The following STC1 variants were observed in gnomAD, a reference collection of about 807,000 sequenced individuals.
The protein encoded by STC1 is stanniocalcin-1.
Under a neutral mutation model 22.6 loss-of-function variants are expected in STC1, and 7 were observed. The observed-to-expected ratio is 0.31, with a 90% CI of 0.18 to 0.58. STC1 has a LOEUF of 0.58. Among genes scored for constraint, STC1 ranks in the 20% least tolerant of loss-of-function variants. The probability of loss-of-function intolerance (pLI) is 0.89; values close to 1 mark genes in which losing one functional copy is unlikely to be tolerated. For synonymous variants in STC1, 113 were observed against 120.7 expected (o/e 0.94, Z 0.42); for missense variants, 224 against 311.0 (o/e 0.72, Z 2.10).
rs766788727 is a variant in STC1 at position 23,854,774 on chromosome 8, C to T, written c.-251G>A. 8 of 595,748 alleles carry T rather than the reference C, an allele frequency of 1.3e-5. No homozygotes were observed. The highest frequency in any genetic ancestry group is 3.4e-5 in the East Asian group (1 of 29,368). The allele number at this position is 595,748 out of a possible 1,614,324, so 36.9% of individuals were successfully genotyped here. ...CCGCTGCTGCTGCTGCTGCTGCAGT[C>T]GCTGCTTCTTGCACCTCTGGCTTTT... On this transcript the variant is annotated 5_prime_UTR_variant, in exon 1 of 4. Transcript: ENST00000290271.
chr8:23,850,152 C>T (rs1215234738), intron 3 of STC1, among the ~76,000 whole-genome samples: 1 of 152,186 alleles, frequency 6.6e-6, no homozygotes, highest in Non-Finnish European at 1.5e-5. Flanking sequence ...GCACCTTAGC[C>T]TTTCCCTAAG....
chr8:23,852,711 A>G (rs1270912514), intron 1 of STC1, among the ~76,000 whole-genome samples: 1 of 152,218 alleles, frequency 6.6e-6, no homozygotes, highest in Non-Finnish European at 1.5e-5. Flanking sequence ...AAGCCATTCC[A>G]TAGAATCAAA....
At position 23,851,536 on chromosome 8, in the gene STC1, C is replaced by A. The variant is rs758658541; in HGVS notation, c.262-5G>T. ...CTCTTTGACGAATGCTTTTCCCTGC[C>A]ATGGAGGAAGGACAAGAGGGAGGTC... On this transcript the variant is annotated splice_polypyrimidine_tract_variant and splice_region_variant and intron_variant, in intron 2 of 3. Coordinates refer to ENST00000290271, the MANE Select transcript of STC1 (RefSeq NM_003155.3). The A allele has an allele frequency of 6.2e-7, 1 of 1,613,712 alleles. No homozygotes were observed. Among genetic ancestry groups the A allele is most frequent in the African/African-American group, 1.3e-5 (1 of 74,854 alleles).
chr8:23,850,652 A>G (rs1404812780), intron 3 of STC1, among the ~76,000 whole-genome samples: 1 of 152,216 alleles, frequency 6.6e-6, no homozygotes, highest in East Asian at 1.9e-4. Flanking sequence ...TTGAATACTA[A>G]GATGAGAATG....
chr8:23,842,847 G>A lies in STC1; in HGVS notation c.*1923C>T, dbSNP rs930194455. The A allele has an allele frequency of 1.3e-5, 2 of 155,044 alleles. No homozygotes were observed. Among genetic ancestry groups the A allele is most frequent in the Admixed American group, 1.3e-4 (2 of 15,310 alleles). 9.6% of individuals were successfully genotyped at this position (155,044 alleles called of 1,614,324 possible). A position where few individuals can be genotyped will look rare whatever the true frequency, so the allele number is the denominator to read the frequency against. Reference sequence around the variant, plus strand: ...CGCTTAGAGGCTGTGTGGGGACAAAGGCAGCAATGTTTGTGCTGCTGCTGC... The same window carrying A: ...CGCTTAGAGGCTGTGTGGGGACAAAAGCAGCAATGTTTGTGCTGCTGCTGC... On this transcript the variant is annotated 3_prime_UTR_variant, in exon 4 of 4. Transcript: ENST00000290271.
intron 3 of STC1, among the ~76,000 whole-genome samples, chr8:23,848,947 C>T (rs753811356): frequency 2.6e-5 from 4 of 152,296 alleles, no homozygotes; most frequent in Middle Eastern, 3.4e-3. Context: ...TCCCAAGCCT[C>T]GCACCGCCCT....
rs561013809 is a variant in STC1, at chr8:23,844,404, G to A, written c.*366C>T. 1.2e-5 allele frequency: 3 copies of A among 243,796 alleles called. No individual in the cohort carries two copies. Among genetic ancestry groups the A allele is most frequent in the African/African-American group, 4.4e-5 (2 of 45,774 alleles). 15.1% of individuals were successfully genotyped at this position (243,796 alleles called of 1,614,324 possible). A position where few individuals can be genotyped will look rare whatever the true frequency, so the allele number is the denominator to read the frequency against. On this transcript the variant is annotated 3_prime_UTR_variant, in exon 4 of 4. Transcript: ENST00000290271. ...TTCCTTATCAGCTAACTCTACTGGG[G>A]CAACCGTTCTAAAGGGATCCACATC...
In STC1 at chr8:23,852,313, T is replaced by G. The variant is rs1391990488; in HGVS notation, c.190A>C (p.Thr64Pro). ...CGAFACLENS[T>P]CDTDGMYDIC... Reference sequence around the variant, plus strand: ...TCATACATCCCATCTGTGTCACAGGTGGAGTTTTCCAGGCATGCAAAAGCC... The same window carrying G: ...TCATACATCCCATCTGTGTCACAGGGGGAGTTTTCCAGGCATGCAAAAGCC... The change falls in exon 2 of 4, where the codon ACC (threonine) becomes CCC (proline). Residue 64 changes from threonine (T) to proline (P), a missense_variant. Coordinates refer to ENST00000290271, the MANE Select transcript of STC1 (RefSeq NM_003155.3). 6.2e-7 allele frequency: 1 copy of G among 1,613,974 alleles called. No individual in the cohort carries two copies. Among genetic ancestry groups the G allele is most frequent in the African/African-American group, 1.3e-5 (1 of 74,896 alleles).
Position 23,851,362 on chromosome 8 carries a change from G to C in STC1, c.431C>G (p.Ala144Gly), listed in dbSNP as rs267601858. 2.5e-6 allele frequency: 4 copies of C among 1,613,970 alleles called. No individual in the cohort carries two copies. Among genetic ancestry groups the C allele is most frequent in the Non-Finnish European group, 3.4e-6 (4 of 1,180,038 alleles). The change falls in exon 3 of 4, where the codon GCC (alanine) becomes GGC (glycine). Residue 144 changes from alanine (A) to glycine (G), a missense_variant. Ala to Gly is a moderately conservative substitution (Grantham distance 60). Coordinates refer to ENST00000290271, the MANE Select transcript of STC1 (RefSeq NM_003155.3). ...GGGCAGCTGGACGACCTCAGTGATG[G>C]CTTCAGGGTTCCGCTTGGCGATGCT... ...VCSIAKRNPEAITEVVQLPNH... is the reference protein window; with the variant it reads ...VCSIAKRNPEGITEVVQLPNH...
intron 3 of STC1, among the ~76,000 whole-genome samples, chr8:23,849,567 A>G (rs1186565074): frequency 6.6e-6 from 1 of 152,206 alleles, no homozygotes; most frequent in East Asian, 1.9e-4. Context: ...CTCTTCTTAG[A>G]TAAATTGGGA....
Position 23,849,135 on chromosome 8 carries a change from C to T in STC1, c.473+2185G>A, listed in dbSNP as rs188964767. Among the ~76,000 whole-genome samples the T allele has an allele frequency of 4.5e-3, 681 of 152,334 alleles. 3 individuals carry two copies. Among genetic ancestry groups the T allele is most frequent in the Non-Finnish European group, 8.1e-3 (549 of 68,034 alleles). On this transcript the variant is annotated intron_variant, in intron 3 of 3. Transcript: ENST00000290271. ...TTTGGATTCTCCCAGCCCCAAATCT[C>T]ATGCTAGATAAGTCACAGGAAGGTG...
In STC1 at chr8:23,843,575, G is replaced by T. The variant is rs1802539496; in HGVS notation, c.*1195C>A. The T allele has an allele frequency of 6.6e-6, 1 of 152,624 alleles. No homozygotes were observed. Among genetic ancestry groups the T allele is most frequent in the African/African-American group, 2.4e-5 (1 of 41,446 alleles). 9.5% of individuals were successfully genotyped at this position (152,624 alleles called of 1,614,324 possible). A position where few individuals can be genotyped will look rare whatever the true frequency, so the allele number is the denominator to read the frequency against. ...GCACCGATGAAAGGGGACGAGTAAA[G>T]AACTGCCACTTCCTAATGTATAGTA... On this transcript the variant is annotated 3_prime_UTR_variant, in exon 4 of 4. Transcript: ENST00000290271.
chr8:23,845,125 C>T lies in STC1; in HGVS notation c.474-85G>A, dbSNP rs551940016. ...GCTTTCACCCGGGCTCTAGCCAACA[C>T]GAGTCCCTAATGGCCTGACCATGCA... On this transcript the variant is annotated intron_variant, in intron 3 of 3. Coordinates refer to ENST00000290271, the MANE Select transcript of STC1 (RefSeq NM_003155.3). The T allele has an allele frequency of 1.0e-4, 150 of 1,436,154 alleles. No individual in the cohort carries two copies. In the African/African-American group the frequency reaches 1.4e-3, roughly 13 times the overall value. The allele number at this position is 1,436,154 out of a possible 1,614,324, so 89.0% of individuals were successfully genotyped here.
intron 1 of STC1, among the ~76,000 whole-genome samples, chr8:23,853,766 A>AT (rs540456064): frequency 0.011 from 1,606 of 151,016 alleles, 18 homozygotes; most frequent in South Asian, 0.029. Context: ...ACGTTTCACA[A>AT]TTTTTTTTTT....
At chr8:23,849,468 A>G (rs1802610978) in intron 3 of STC1, among the ~76,000 whole-genome samples, 8 of 152,188 alleles carry the variant, frequency 5.3e-5, no homozygotes, top group Admixed American at 5.2e-4. Flanking sequence ...GAGGGAGATA[A>G]GAAGACTTTC....
chr8:23,854,441 C>T lies in STC1; in HGVS notation c.83G>A (p.Ser28Asn). 1 of 1,614,168 alleles carries T rather than the reference C, an allele frequency of 6.2e-7. No individual in the cohort carries two copies. Among genetic ancestry groups the T allele is most frequent in the Non-Finnish European group, 8.5e-7 (1 of 1,180,026 alleles). ...AGCCGCCACTCGGGATTTCCTGGGG[C>T]TCACAGAGTCATTCTGCTCCGCCTC... ...THEAEQNDSV[S>N]PRKSRVAAQN... Residue 28 changes from serine (S) to asparagine (N), a missense_variant, in exon 1 of 4, where the codon AGC becomes AAC. Physicochemically the swap from Ser to Asn is conservative, Grantham distance 46. Coordinates refer to ENST00000290271, the MANE Select transcript of STC1 (RefSeq NM_003155.3).
intron 2 of STC1, among the ~76,000 whole-genome samples, chr8:23,852,015 G>A (rs895273234): frequency 6.6e-6 from 1 of 152,054 alleles, no homozygotes; most frequent in Admixed American, 6.5e-5. Context: ...TGAGTGGGGC[G>A]TGTCTTATAC....
At chr8:23,846,758 G>A (rs2117738607) in intron 3 of STC1, among the ~76,000 whole-genome samples, 1 of 152,242 alleles carries the variant, frequency 6.6e-6, no homozygotes, top group Admixed American at 6.5e-5. Context: ...TCAAAACTGG[G>A]ACTCTCTGGC....
chr8:23,854,144 G>C, intron 1 of STC1: 1 of 1,282,024 alleles, frequency 7.8e-7, no homozygotes, highest in Non-Finnish European at 9.9e-7. Flanking sequence ...GAGGGTACGT[G>C]CCAGATTTCA....
Sources: allele counts gnomAD v4.1 joint callset (sites outside exome capture counted in the v4.1 genomes callset), GRCh38; gene constraint gnomAD v4.1.1; transcripts MANE v1.5; gene names NCBI Gene and HGNC (gene_info 2026-07-23, HGNC 2026-07-21).